DGCR2: variants seen among roughly 807,000 people sequenced by gnomAD.
DGCR2 encodes the protein integral membrane protein DGCR2/IDD.
DGCR2 carries 24 observed loss-of-function variants against 51.6 expected under a neutral mutation model. That is an observed-to-expected ratio of 0.47 (90% CI 0.34 to 0.65). The LOEUF is 0.65. DGCR2 is among the 30% of genes least tolerant of loss of function. DGCR2 has a pLI of 0.01. For synonymous variants in DGCR2, 340 were observed against 315.4 expected, an observed-to-expected ratio of 1.08 and a Z score of -0.82; for missense variants, 765 against 772.1, an observed-to-expected ratio of 0.99 and a Z score of 0.11.
chr22:19,107,152 C>A (rs553196567), intron 1 of DGCR2, among the ~76,000 whole-genome samples: 1 of 152,312 alleles, frequency 6.6e-6, no homozygotes, highest in South Asian at 2.1e-4. Context: ...CCACCAAACC[C>A]ATTTCCAAAC....
At chr22:19,041,723 T>A in intron 8 of DGCR2, 84 bp downstream of exon 8, 1 of 1,488,538 alleles carries the variant, frequency 6.7e-7, no homozygotes. Flanking sequence ...CCCCTCTCTG[T>A]CCAGGGCTGG....
intron 1 of DGCR2, among the ~76,000 whole-genome samples, chr22:19,097,597 T>C (rs1202933713): frequency 6.6e-6 from 1 of 152,168 alleles, no homozygotes; most frequent in African/African-American, 2.4e-5. Flanking sequence ...ATGTCTGCAC[T>C]GTTCACTCCT....
intron 7 of DGCR2, 159 bp downstream of exon 7, chr22:19,048,281 T>A (rs1309311617): frequency 1.3e-6 from 1 of 750,854 alleles, no homozygotes; most frequent in Non-Finnish European, 2.2e-6. Flanking sequence ...AGTAGTGGCA[T>A]CAAAGTCTCT....
At chr22:19,112,039 C>G (rs1936953) in intron 1 of DGCR2, among the ~76,000 whole-genome samples, 50,754 of 151,746 alleles carry the variant, frequency 0.33, 9,334 homozygotes, top group African/African-American at 0.49. Context: ...TTCAGAGATG[C>G]AGGCGGGTGG....
chr22:19,089,960 A>G (rs1469738486), intron 1 of DGCR2, among the ~76,000 whole-genome samples: 1 of 152,254 alleles, frequency 6.6e-6, no homozygotes, highest in Non-Finnish European at 1.5e-5. Flanking sequence ...AAGCTACAGC[A>G]GCCGAGCTGA....
intron 6 of DGCR2, among the ~76,000 whole-genome samples, chr22:19,052,165 C>T (rs572004848): frequency 1.3e-5 from 2 of 152,172 alleles, no homozygotes; most frequent in African/African-American, 2.4e-5. Flanking sequence ...GCCTGTAATC[C>T]CAGCACTTTG....
chr22:19,050,317 T>C (rs62221713), intron 6 of DGCR2, among the ~76,000 whole-genome samples: 1 of 152,230 alleles, frequency 6.6e-6, no homozygotes, highest in East Asian at 1.9e-4. Flanking sequence ...GCTGGGGCAG[T>C]GGGATAACTG....
At chr22:19,062,522 C>T (rs1247187120) in intron 5 of DGCR2, among the ~76,000 whole-genome samples, 1 of 152,148 alleles carries the variant, frequency 6.6e-6, no homozygotes, top group Non-Finnish European at 1.5e-5. Flanking sequence ...TAGCTCAAGC[C>T]ACAGGCACAA....
chr22:19,118,395 A>AC (rs1350579564), intron 1 of DGCR2, among the ~76,000 whole-genome samples: 11 of 150,024 alleles, frequency 7.3e-5, no homozygotes, highest in African/African-American at 2.0e-4. Flanking sequence ...AAAAAAAAAA[A>AC]AAACAACTCT....
intron 2 of DGCR2, among the ~76,000 whole-genome samples, chr22:19,075,879 G>A (rs915710749): frequency 6.6e-6 from 1 of 152,220 alleles, no homozygotes; most frequent in African/African-American, 2.4e-5. Context: ...GAGTAATGCT[G>A]CTATGAACTT....
At chr22:19,121,446 T>C (rs1055316416) in intron 1 of DGCR2, 2 of 152,142 alleles carry the variant, frequency 1.3e-5, no homozygotes, top group South Asian at 4.1e-4. Flanking sequence ...TACACCGAAA[T>C]AGGTAGAAAA....
At chr22:19,092,402 A>G (rs2083089070) in intron 1 of DGCR2, among the ~76,000 whole-genome samples, 1 of 152,204 alleles carries the variant, frequency 6.6e-6, no homozygotes, top group Non-Finnish European at 1.5e-5. Flanking sequence ...TTCCAGAGAA[A>G]GTATAAAGGC....
At position 19,090,236 on chromosome 22, in the gene DGCR2, C is replaced by G. The variant is rs12628668; in HGVS notation, c.80-746G>C. Among the ~76,000 whole-genome samples the G allele has an allele frequency of 3.9e-5, 6 of 152,276 alleles. No homozygotes were observed. The East Asian group carries it at 1.2e-3, about 29-fold the overall frequency. On this transcript the variant is annotated intron_variant, in intron 1 of 9. Transcript: ENST00000263196. The stretch of plus-strand genomic sequence containing the variant: ...AAGCTGTGGAACAACCTCACACACC[C>G]TAATACATGGGGGAACAGACACAAC...
chr22:19,104,298 C>A (rs1201740526), intron 1 of DGCR2, among the ~76,000 whole-genome samples: 1 of 152,156 alleles, frequency 6.6e-6, no homozygotes, highest in Admixed American at 6.5e-5. Flanking sequence ...GATTCATGCC[C>A]TGTAGAAACC....
intron 7 of DGCR2, chr22:19,047,702 G>A (rs890593711): frequency 2.6e-5 from 4 of 152,376 alleles, no homozygotes; most frequent in African/African-American, 9.6e-5. Context: ...GGATCACCCT[G>A]AGATCAGATT....
At chr22:19,115,600 G>C (rs566469952) in intron 1 of DGCR2, among the ~76,000 whole-genome samples, 41 of 152,360 alleles carry the variant, frequency 2.7e-4, no homozygotes, top group African/African-American at 9.4e-4. Flanking sequence ...AATATAAATA[G>C]GCATTTGTGC....
intron 7 of DGCR2, among the ~76,000 whole-genome samples, chr22:19,043,743 T>TGTGA (rs1390299140): frequency 6.6e-6 from 1 of 152,070 alleles, no homozygotes; most frequent in Non-Finnish European, 1.5e-5. Flanking sequence ...ACAACCCCCG[T>TGTGA]GTGAGTGGCT....
chr22:19,120,919 G>A (rs920635069), intron 1 of DGCR2, among the ~76,000 whole-genome samples: 1 of 152,232 alleles, frequency 6.6e-6, no homozygotes, highest in Non-Finnish European at 1.5e-5. Context: ...CAAAAGCAGT[G>A]AGCAACTAGC....
rs1175294392 is a variant in DGCR2 at position 19,039,000 on chromosome 22, G to A, written c.1518C>T (p.Asp506=). The part of the protein sequence containing the change: ...PLPTAGASLA[D]LEDSADSSSA... ...TGCTGCTGTCGGCAGAGTCTTCCAG[G>A]TCTGCCAGAGAGGCCCCCGCAGTGG... The change falls in exon 10 of 10, where the codon GAC becomes GAT. Residue 506 remains aspartate (D), a synonymous_variant. Coordinates refer to ENST00000263196, the MANE Select transcript of DGCR2 (RefSeq NM_005137.3). 1.9e-6 allele frequency: 3 copies of A among 1,612,206 alleles called. No individual in the cohort carries two copies. The African/African-American group carries it at 4.0e-5, about 22-fold the overall frequency.
Sources: gnomAD v4.1 joint callset for allele counts (sites outside exome capture counted in the v4.1 genomes callset) on GRCh38, gnomAD v4.1.1 for gene constraint, MANE v1.5 for transcripts, NCBI Gene and HGNC (gene_info 2026-07-23, HGNC 2026-07-21) for gene names.